The following CELF2 variants were observed in gnomAD, a reference collection of about 807,000 sequenced individuals.
CELF2 encodes the protein CUG triplet repeat RNA-binding protein 2.
CELF2 carries 8 observed loss-of-function variants against 62.6 expected under a neutral mutation model. That is an observed-to-expected ratio of 0.13 (90% CI 0.07 to 0.23). The LOEUF (loss-of-function observed/expected upper bound fraction) is 0.23. Among genes scored for constraint, CELF2 ranks in the 10% least tolerant of loss-of-function variants. The pLI is 1.00. For synonymous variants in CELF2, 258 were observed against 250.0 expected (o/e 1.03, Z -0.30); for missense variants, 333 against 671.0 (o/e 0.50, Z 5.56).
chr10:11,086,578 T>TAAAAAAAAAAAAAAAAAAAAAAA (rs1168932032), intron 1 of CELF2, among the ~76,000 whole-genome samples: 2 of 71,984 alleles, frequency 2.8e-5, no homozygotes, highest in African/African-American at 1.1e-4. Flanking sequence ...TTGCATTTGT[T>TAAAAAAAAAAAAAAAAAAAAAAA]AAAAAAAAAA....
the CELF2 span, among the ~76,000 whole-genome samples, chr10:10,678,415 G>T: frequency 6.6e-6 from 1 of 152,036 alleles, no homozygotes; most frequent in Non-Finnish European, 1.5e-5. Context: ...ATGTTATTTT[G>T]CAGCTGGTCT....
the CELF2 span, among the ~76,000 whole-genome samples, chr10:10,699,559 G>C: frequency 6.6e-6 from 1 of 152,174 alleles, no homozygotes; most frequent in Non-Finnish European, 1.5e-5. Flanking sequence ...CTGTCATCAT[G>C]GTGATTTGCA....
intron 1 of CELF2, among the ~76,000 whole-genome samples, chr10:10,895,690 A>C (rs891835166): frequency 6.6e-6 from 1 of 152,186 alleles, no homozygotes; most frequent in African/African-American, 2.4e-5. Flanking sequence ...TCATGGACTA[A>C]ATTTATTCTC....
chr10:10,697,165 G>A, the CELF2 span, among the ~76,000 whole-genome samples: 4 of 152,108 alleles, frequency 2.6e-5, no homozygotes, highest in African/African-American at 4.8e-5. Flanking sequence ...TCTGACCTGA[G>A]TTTGGGGTAT....
intron 1 of CELF2, among the ~76,000 whole-genome samples, chr10:11,081,097 G>A (rs2073912149): frequency 6.6e-6 from 1 of 152,182 alleles, no homozygotes; most frequent in South Asian, 2.1e-4. Context: ...TTGGGGATAG[G>A]GGGCAATTCC....
At chr10:11,198,321 C>G (rs1288453448) in intron 2 of CELF2, among the ~76,000 whole-genome samples, 1 of 152,194 alleles carries the variant, frequency 6.6e-6, no homozygotes, top group African/African-American at 2.4e-5. Context: ...CAAGCCCTTT[C>G]CCAAATTGGG....
At chr10:10,927,517 T>A (rs2065645837) in intron 2 of CELF2, among the ~76,000 whole-genome samples, 1 of 152,032 alleles carries the variant, frequency 6.6e-6, no homozygotes, top group Non-Finnish European at 1.5e-5. Context: ...AGCCTCGAAC[T>A]CCTGGGCTCA....
At chr10:11,176,662 G>A (rs980345433) in intron 2 of CELF2, among the ~76,000 whole-genome samples, 1 of 152,226 alleles carries the variant, frequency 6.6e-6, no homozygotes, top group African/African-American at 2.4e-5. Flanking sequence ...GCTAGGTAGT[G>A]TAGACTAGAT....
chr10:10,702,953 CT>C, the CELF2 span, among the ~76,000 whole-genome samples: 205 of 152,198 alleles, frequency 1.3e-3, 2 homozygotes, highest in Middle Eastern at 0.017. Flanking sequence ...CCCTAAATAG[CT>C]ACAAAAGCAG....
At chr10:11,190,031 T>A (rs2075938631) in intron 2 of CELF2, among the ~76,000 whole-genome samples, 1 of 152,262 alleles carries the variant, frequency 6.6e-6, no homozygotes, top group African/African-American at 2.4e-5. Flanking sequence ...TGCACATTTT[T>A]AACACATTTG....
At chr10:10,618,260 G>A in the CELF2 span, among the ~76,000 whole-genome samples, 3 of 151,982 alleles carry the variant, frequency 2.0e-5, no homozygotes, top group Non-Finnish European at 4.4e-5. Context: ...TTAGGAATGA[G>A]CCCATTTCAA....
chr10:10,499,587 TAAG>T, the CELF2 span, among the ~76,000 whole-genome samples: 1 of 152,058 alleles, frequency 6.6e-6, no homozygotes, highest in East Asian at 1.9e-4. Flanking sequence ...TGTGCAGAAA[TAAG>T]AACTCCTGGC....
At chr10:10,882,314 G>A (rs1039450626) in intron 1 of CELF2, among the ~76,000 whole-genome samples, 5 of 152,188 alleles carry the variant, frequency 3.3e-5, no homozygotes, top group African/African-American at 9.6e-5. Flanking sequence ...GTGAATCCCC[G>A]GAGTGGCCTC....
intron 1 of CELF2, among the ~76,000 whole-genome samples, chr10:10,919,511 T>C (rs1303198889): frequency 6.6e-6 from 1 of 152,258 alleles, no homozygotes; most frequent in African/African-American, 2.4e-5. Context: ...GTGCTGTTTG[T>C]GTTCCTTCAT....
rs377555931 is a variant in CELF2 at position 11,243,962 on chromosome 10, C to T, written c.355-5191C>T. ...CTAGCCTCAGCCCTGACCCTAGCCA[C>T]ACAGTAGGTAGATTGAATTAGCGAC... On this transcript the variant is annotated intron_variant, in intron 3 of 12. Transcript: ENST00000633077. This position sits in a 1 kb window ranked among gnomAD's most constrained non-coding sequence, Gnocchi z 4.1. Among the ~76,000 whole-genome samples the T allele has an allele frequency of 2.0e-5, 3 of 152,242 alleles. No individual in the cohort carries two copies. Among genetic ancestry groups the T allele is most frequent in the East Asian group, 1.9e-4 (1 of 5,202 alleles).
At chr10:11,167,405 G>A (rs991245974) in intron 2 of CELF2, among the ~76,000 whole-genome samples, 4 of 152,202 alleles carry the variant, frequency 2.6e-5, no homozygotes, top group Non-Finnish European at 4.4e-5. Context: ...AGGAAAATGC[G>A]ACTCCAAATT....
intron 1 of CELF2, among the ~76,000 whole-genome samples, chr10:10,904,577 T>A (rs2063185203): frequency 6.6e-6 from 1 of 152,060 alleles, no homozygotes; most frequent in South Asian, 2.1e-4. Flanking sequence ...TTCTAACCAC[T>A]CCCTAGATTG....
chr10:10,580,263 G>A, the CELF2 span, among the ~76,000 whole-genome samples: 1 of 152,068 alleles, frequency 6.6e-6, no homozygotes, highest in Admixed American at 6.6e-5. Flanking sequence ...AGAGAAACTA[G>A]GGCAGGGAAT....
At chr10:11,089,103 TC>T (rs2047606715) in intron 1 of CELF2, among the ~76,000 whole-genome samples, 1 of 152,138 alleles carries the variant, frequency 6.6e-6, no homozygotes, top group African/African-American at 2.4e-5. Context: ...TTCTGCCACA[TC>T]CTTTTGGTGA....
Sources: gnomAD v4.1 joint callset for allele counts (sites outside exome capture counted in the v4.1 genomes callset) on GRCh38, gnomAD v4.1.1 for gene constraint, Gnocchi (gnomAD v3.1) non-coding constraint, MANE v1.5 for transcripts, NCBI Gene and HGNC (gene_info 2026-07-23, HGNC 2026-07-21) for gene names.